The following STAC2 variants were observed in gnomAD, a reference collection of about 807,000 sequenced individuals.
STAC2 encodes the protein SH3 and cysteine-rich domain-containing protein 2.
In STAC2, 36 loss-of-function variants were observed where a neutral mutation model predicts 49.0. The observed-to-expected ratio is 0.74, with a 90% CI of 0.56 to 0.97. The LOEUF (loss-of-function observed/expected upper bound fraction) is 0.97, where lower values mean the gene tolerates loss of function less well. STAC2 is among the 50% of genes least tolerant of loss of function. The probability of loss-of-function intolerance (pLI) is 0.00; values close to 1 mark genes in which losing one functional copy is unlikely to be tolerated. For synonymous variants in STAC2, 239 were observed against 214.7 expected, an observed-to-expected ratio of 1.11 and a Z score of -0.99; for missense variants, 527 against 543.8, an observed-to-expected ratio of 0.97 and a Z score of 0.31.
In STAC2 at chr17:39,210,957, G is replaced by C. The variant is rs562105562; in HGVS notation, c.*1335C>G. 6.6e-6 allele frequency: 1 copy of C among 152,652 alleles called. No individual in the cohort carries two copies. The highest frequency in any genetic ancestry group is 2.4e-5 in the African/African-American group (1 of 41,542). 9.5% of individuals were successfully genotyped at this position (152,652 alleles called of 1,614,324 possible). On this transcript the variant is annotated 3_prime_UTR_variant, in exon 11 of 11. Transcript: ENST00000333461. ...ACAGAACATTCCACCTTCCTTGTCT[G>C]TCTTCCACCCCCTCTTTTTCCCAGG...
intron 4 of STAC2, 50 bp downstream of exon 4, chr17:39,216,760 C>G (rs1597733219): frequency 6.6e-7 from 1 of 1,504,614 alleles, no homozygotes. Flanking sequence ...ATGTTGATTT[C>G]TCATCCCACC....
At chr17:39,224,104 C>T (rs1000580349) in intron 1 of STAC2, among the ~76,000 whole-genome samples, 8 of 152,122 alleles carry the variant, frequency 5.3e-5, no homozygotes, top group Admixed American at 2.6e-4. Flanking sequence ...CCTGACCCTA[C>T]GGCCTCCTCC....
Position 39,225,587 on chromosome 17 carries a change from A to G in STAC2, c.-85T>C. 1.5e-6 allele frequency: 2 copies of G among 1,310,340 alleles called. No individual in the cohort carries two copies. The highest frequency in any genetic ancestry group is 2.2e-6 in the Non-Finnish European group (2 of 928,578). 81.2% of individuals were successfully genotyped at this position (1,310,340 alleles called of 1,614,324 possible). On this transcript the variant is annotated 5_prime_UTR_variant, in exon 1 of 11. Transcript: ENST00000333461. The surrounding 1 kb of genome is among the most constrained non-coding windows in gnomAD (Gnocchi z 8.2). The stretch of plus-strand genomic sequence containing the variant: ...GCTGCGGGTGGCGGGCGTCTCCGGG[A>G]CTCTGAAGCCGTTCTCCAGAGGCTG...
At chr17:39,215,364 A>G in intron 4 of STAC2, 134 bp from the exon 5 acceptor site, 1 of 874,268 alleles carries the variant, frequency 1.1e-6, no homozygotes, top group Non-Finnish European at 1.8e-6. Flanking sequence ...CATCCCAGAG[A>G]TGGCTCTGGG....
chr17:39,218,151 A>G lies in STAC2; in HGVS notation c.113T>C (p.Leu38Pro). Residue 38 changes from leucine to proline, a missense_variant, in exon 2 of 11, where the codon CTC (leucine) becomes CCC (proline). Coordinates refer to ENST00000333461, the MANE Select transcript of STAC2 (RefSeq NM_198993.5). ...ETKLQRFKRS[L>P]SLKTILRSKS... is the part of the protein sequence containing the mutation. ...ACTTCGGAGGATGGTCTTGAGGGAG[A>G]GGGAGCGCTTGAATCGCTGGAGCTG... The G allele has an allele frequency of 6.2e-7, 1 of 1,613,282 alleles. No homozygotes were observed. Among genetic ancestry groups the G allele is most frequent in the Non-Finnish European group, 8.5e-7 (1 of 1,179,998 alleles).
chr17:39,225,397 G>C lies in STAC2; in HGVS notation c.90+16C>G. ...CGGGCCCGGGGCGCGGACAGGCCTT[G>C]CGCCCCCCAAGTTACCTTGGTTTCC... On this transcript the variant is annotated intron_variant, in intron 1 of 10. Coordinates refer to ENST00000333461, the MANE Select transcript of STAC2 (RefSeq NM_198993.5). The surrounding 1 kb of genome is among the most constrained non-coding windows in gnomAD (Gnocchi z 8.2). The C allele has an allele frequency of 6.3e-7, 1 of 1,594,090 alleles. No individual in the cohort carries two copies. Among genetic ancestry groups the C allele is most frequent in the South Asian group, 1.1e-5 (1 of 90,428 alleles).
chr17:39,213,719 C>G (rs1288923496), intron 8 of STAC2, among the ~76,000 whole-genome samples, 161 bp from the exon 9 acceptor site: 1 of 149,978 alleles, frequency 6.7e-6, no homozygotes, highest in Non-Finnish European at 1.5e-5. Flanking sequence ...CTCTGTCACC[C>G]AGGCTGGAGT....
chr17:39,224,833 C>G (rs2046495496), intron 1 of STAC2, among the ~76,000 whole-genome samples: 1 of 152,120 alleles, frequency 6.6e-6, no homozygotes, highest in Admixed American at 6.5e-5. Context: ...TGCGCACCCC[C>G]GGCCGCGGCC....
chr17:39,213,457 C>T, intron 9 of STAC2, 50 bp downstream of exon 9: 1 of 1,607,116 alleles, frequency 6.2e-7, no homozygotes, highest in Non-Finnish European at 8.5e-7. Flanking sequence ...GGGGTGGGGG[C>T]TGCTGGGGTG....
intron 7 of STAC2, 152 bp from the exon 8 acceptor site, chr17:39,214,482 A>G: frequency 2.0e-6 from 3 of 1,464,216 alleles, no homozygotes; most frequent in Non-Finnish European, 2.7e-6. Flanking sequence ...CGTACATGCT[A>G]TGCTCACCCA....
rs770683346 is a variant in STAC2 at position 39,225,409 on chromosome 17, T to G, written c.90+4A>C. 2 of 1,599,628 alleles carry G rather than the reference T, an allele frequency of 1.3e-6. No individual in the cohort carries two copies. The highest frequency in any genetic ancestry group is 2.7e-5 in the African/African-American group (2 of 73,142). On this transcript the variant is annotated splice_donor_region_variant and intron_variant, in intron 1 of 10. Coordinates refer to ENST00000333461, the MANE Select transcript of STAC2 (RefSeq NM_198993.5). This position sits in a 1 kb window ranked among gnomAD's most constrained non-coding sequence, Gnocchi z 8.2. ...GCGGACAGGCCTTGCGCCCCCCAAG[T>G]TACCTTGGTTTCCTGGAGGGCGGAG...
chr17:39,216,803 C>G lies in STAC2; in HGVS notation c.586+7G>C, dbSNP rs759192553. On this transcript the variant is annotated splice_region_variant and intron_variant, in intron 4 of 10. Coordinates refer to ENST00000333461, the MANE Select transcript of STAC2 (RefSeq NM_198993.5). The stretch of plus-strand genomic sequence containing the variant: ...GAGCAGGGACTGCGGCCAGGGGGGG[C>G]ACTCACCAGTGGGTGGGGACTCTTT... 6 of 1,580,060 alleles carry G rather than the reference C, an allele frequency of 3.8e-6. No individual in the cohort carries two copies. The highest frequency in any genetic ancestry group is 5.2e-6 in the Non-Finnish European group (6 of 1,163,328).
At chr17:39,224,878 G>T (rs1442528232) in intron 1 of STAC2, among the ~76,000 whole-genome samples, 2 of 152,172 alleles carry the variant, frequency 1.3e-5, no homozygotes, top group Non-Finnish European at 2.9e-5. Context: ...TAGGAGCGGG[G>T]AATGCAGGAC....
intron 2 of STAC2, 145 bp downstream of exon 2, chr17:39,217,722 C>CAA (rs541508154): frequency 3.3e-4 from 220 of 656,976 alleles, no homozygotes; most frequent in Middle Eastern, 4.8e-4. Context: ...GACTCTGTCT[C>CAA]AAAAAAAAAA....
chr17:39,214,929 CTTG>C lies in STAC2; in HGVS notation c.772+19_772+21del. On this transcript the variant is annotated intron_variant, in intron 6 of 10. Coordinates refer to ENST00000333461, the MANE Select transcript of STAC2 (RefSeq NM_198993.5). Reference sequence around the variant, plus strand: ...CCCTCCATTGTACCCCATTCCTGCCCTTGATGCCCACCACCACTCACCACTGTC... The same window carrying C: ...CCCTCCATTGTACCCCATTCCTGCCCATGCCCACCACCACTCACCACTGTC... The C allele has an allele frequency of 6.2e-7, 1 of 1,613,982 alleles. No homozygotes were observed. Among genetic ancestry groups the C allele is most frequent in the South Asian group, 1.1e-5 (1 of 91,066 alleles).
At chr17:39,218,397 G>A (rs555266856) in intron 1 of STAC2, among the ~76,000 whole-genome samples, 5 of 152,320 alleles carry the variant, frequency 3.3e-5, no homozygotes. Context: ...GACCTCCATG[G>A]AGAAAGGAGT....
In STAC2 at chr17:39,213,139, A is replaced by G; in HGVS notation, c.994-7T>C. The G allele has an allele frequency of 1.9e-6, 3 of 1,605,426 alleles. No homozygotes were observed. The highest frequency in any genetic ancestry group is 2.5e-6 in the Non-Finnish European group (3 of 1,179,964). Reference sequence around the variant, plus strand: ...CCCGGTCGCCGATCTTGCCCTGGGGATGAGGTTGGCAATGAACACCCGCGC... The same window carrying G: ...CCCGGTCGCCGATCTTGCCCTGGGGGTGAGGTTGGCAATGAACACCCGCGC... On this transcript the variant is annotated splice_region_variant and splice_polypyrimidine_tract_variant and intron_variant, in intron 9 of 10. Transcript: ENST00000333461.
intron 7 of STAC2, 68 bp from the exon 8 acceptor site, chr17:39,214,398 C>CT: frequency 6.2e-7 from 1 of 1,604,394 alleles, no homozygotes; most frequent in Non-Finnish European, 8.5e-7. Context: ...TCCACTCGCT[C>CT]TGAGTGTGCT....
At chr17:39,216,718 G>A (rs2046405469) in intron 4 of STAC2, 92 bp downstream of exon 4, 8 of 1,240,276 alleles carry the variant, frequency 6.5e-6, no homozygotes, top group Non-Finnish European at 9.0e-6. Context: ...TTGAGAGACG[G>A]GGTTTCACTG....
Sources: gnomAD v4.1 joint callset for allele counts (sites outside exome capture counted in the v4.1 genomes callset) on GRCh38, gnomAD v4.1.1 for gene constraint, Gnocchi (gnomAD v3.1) non-coding constraint, MANE v1.5 for transcripts, NCBI Gene and HGNC (gene_info 2026-07-23, HGNC 2026-07-21) for gene names.